Variants in UBR3 observed in about 807,000 individuals in gnomAD.
UBR3 encodes the protein E3 ubiquitin-protein ligase UBR3.
A neutral mutation model predicts 243.2 loss-of-function variants in UBR3; 85 were observed. That is an observed-to-expected ratio of 0.35 (90% CI 0.29 to 0.42). The LOEUF (loss-of-function observed/expected upper bound fraction) is 0.42, where lower values mean the gene tolerates loss of function less well. Among genes scored for constraint, UBR3 ranks in the 10% least tolerant of loss-of-function variants. UBR3 has a pLI of 1.00. For missense variants in UBR3, 1,686 were observed against 2,300.8 expected, an observed-to-expected ratio of 0.73 and a Z score of 5.47; for synonymous variants, 748 against 799.8, an observed-to-expected ratio of 0.94 and a Z score of 1.09.
At chr2:169,908,546 A>G (rs1013583435) in intron 10 of UBR3, among the ~76,000 whole-genome samples, 3 of 152,206 alleles carry the variant, frequency 2.0e-5, no homozygotes, top group African/African-American at 4.8e-5. Context: ...ACTGAACCAA[A>G]TAGATATGGT....
intron 27 of UBR3, among the ~76,000 whole-genome samples, chr2:170,004,660 C>T (rs903101492): frequency 2.6e-5 from 4 of 152,120 alleles, no homozygotes; most frequent in African/African-American, 9.7e-5. Flanking sequence ...CCTATAATTT[C>T]AGCACTTTGG....
chr2:170,017,127 A>T (rs2105412370), intron 30 of UBR3, among the ~76,000 whole-genome samples: 1 of 151,968 alleles, frequency 6.6e-6, no homozygotes, highest in Non-Finnish European at 1.5e-5. Context: ...CAGGACTTAA[A>T]TTGATGATGA....
intron 29 of UBR3, among the ~76,000 whole-genome samples, chr2:170,011,258 T>G (rs572372271): frequency 3.0e-4 from 46 of 152,274 alleles, no homozygotes; most frequent in Non-Finnish European, 5.4e-4. Context: ...TTAAATACAT[T>G]GTAATTTTCT....
At chr2:169,888,358 C>T (rs1390392609) in intron 5 of UBR3, among the ~76,000 whole-genome samples, 1 of 151,678 alleles carries the variant, frequency 6.6e-6, no homozygotes, top group Non-Finnish European at 1.5e-5. Flanking sequence ...AGGCTGATCT[C>T]GAACTCCTGA....
At chr2:169,949,535 C>A in intron 22 of UBR3, 70 bp from the exon 23 acceptor site, 1 of 1,309,078 alleles carries the variant, frequency 7.6e-7, no homozygotes, top group Non-Finnish European at 1.0e-6. Context: ...AAATATAGTA[C>A]TAATATGTTT....
At chr2:169,934,541 G>T (rs948096628) in intron 19 of UBR3, among the ~76,000 whole-genome samples, 6 of 152,078 alleles carry the variant, frequency 3.9e-5, no homozygotes, top group Non-Finnish European at 5.9e-5. Context: ...TGGCCGATTT[G>T]TTTGCTATTG....
intron 24 of UBR3, among the ~76,000 whole-genome samples, chr2:169,981,165 G>A (rs2088711363): frequency 6.6e-6 from 1 of 152,132 alleles, no homozygotes; most frequent in Non-Finnish European, 1.5e-5. Flanking sequence ...AGAATACCTA[G>A]TATTTTATGT....
chr2:170,026,050 G>A lies in UBR3; in HGVS notation c.4454-3296G>A, dbSNP rs2090520087. 1.3e-5 allele frequency among the ~76,000 whole-genome samples: 2 copies of A among 151,932 alleles called. 1 individual carries two copies. The highest frequency in any genetic ancestry group is 1.3e-4 in the Admixed American group (2 of 15,212). On this transcript the variant is annotated intron_variant, in intron 30 of 38. Transcript: ENST00000272793. Reference sequence around the variant, plus strand: ...AGTGGGCTTGGGTAAAGTAGTGTGTGCAGAATGAGAGGGAAAGAGGACTAA... The same window carrying A: ...AGTGGGCTTGGGTAAAGTAGTGTGTACAGAATGAGAGGGAAAGAGGACTAA...
chr2:169,948,158 A>G (rs899269381), intron 22 of UBR3, among the ~76,000 whole-genome samples: 1 of 151,842 alleles, frequency 6.6e-6, no homozygotes, highest in Admixed American at 6.6e-5. Flanking sequence ...AATACTGAGT[A>G]TAATAGTGTA....
At position 169,901,606 on chromosome 2, in the gene UBR3, T is replaced by G. The variant is rs182859617; in HGVS notation, c.1466-3508T>G. On this transcript the variant is annotated intron_variant, in intron 8 of 38. Coordinates refer to ENST00000272793, the MANE Select transcript of UBR3 (RefSeq NM_172070.4). The stretch of plus-strand genomic sequence containing the variant: ...TCTATCTAGCCTTGTCTTGAATTGT[T>G]GTTAGATGATATTTTAAAATTTTAT... Among the ~76,000 whole-genome samples the G allele has an allele frequency of 2.6e-5, 4 of 152,324 alleles. No homozygotes were observed. The East Asian group carries it at 7.7e-4, about 29-fold the overall frequency.
chr2:170,073,692 C>T, intron 36 of UBR3, 85 bp downstream of exon 36: 1 of 1,400,474 alleles, frequency 7.1e-7, no homozygotes, highest in Non-Finnish European at 9.6e-7. Context: ...AATTTTAGGT[C>T]ATCTGTTTTT....
chr2:169,859,081 CTTTTTTT>C (rs575814312), intron 1 of UBR3, among the ~76,000 whole-genome samples: 2 of 99,748 alleles, frequency 2.0e-5, no homozygotes, highest in Non-Finnish European at 3.9e-5. Flanking sequence ...CTCACCATGG[CTTTTTTT>C]TTTTTTTTTT....
intron 27 of UBR3, among the ~76,000 whole-genome samples, chr2:170,002,666 C>T (rs1458064121): frequency 6.6e-6 from 1 of 152,138 alleles, no homozygotes; most frequent in Non-Finnish European, 1.5e-5. Context: ...CCTCAGGGGC[C>T]TTAATTCATC....
At chr2:169,942,051 T>C (rs186162776) in intron 19 of UBR3, among the ~76,000 whole-genome samples, 4 of 152,340 alleles carry the variant, frequency 2.6e-5, no homozygotes, top group African/African-American at 9.6e-5. Flanking sequence ...CTTCTTTTTT[T>C]CTGGTAACTG....
At chr2:169,900,776 A>G (rs904772964) in intron 8 of UBR3, among the ~76,000 whole-genome samples, 3 of 149,352 alleles carry the variant, frequency 2.0e-5, no homozygotes, top group Non-Finnish European at 4.5e-5. Context: ...AGCTTTCCTC[A>G]CTTTTTATAT....
At chr2:169,994,480 A>G in intron 26 of UBR3, 24 bp downstream of exon 26, 1 of 1,582,376 alleles carries the variant, frequency 6.3e-7, no homozygotes, top group East Asian at 2.2e-5. Context: ...ATAAAATAGT[A>G]CTTTTGTCTG....
intron 1 of UBR3, among the ~76,000 whole-genome samples, chr2:169,847,607 A>T (rs1010051424): frequency 2.2e-4 from 34 of 152,210 alleles, no homozygotes; most frequent in African/African-American, 7.7e-4. Context: ...TAACTAAAAA[A>T]TCTTACCCAT....
At chr2:169,876,135 G>A (rs540190733) in intron 3 of UBR3, among the ~76,000 whole-genome samples, 186 bp downstream of exon 3, 133 of 149,434 alleles carry the variant, frequency 8.9e-4, no homozygotes, top group African/African-American at 2.8e-3. Context: ...CCAGGCTGGA[G>A]TGCAGTGGCG....
chr2:170,048,616 C>A (rs749340826), intron 32 of UBR3, among the ~76,000 whole-genome samples: 1 of 152,170 alleles, frequency 6.6e-6, no homozygotes, highest in Non-Finnish European at 1.5e-5. Flanking sequence ...CAGGATGCAA[C>A]CTTTTATGAG....
Sources: gnomAD v4.1 joint callset for allele counts (sites outside exome capture counted in the v4.1 genomes callset) on GRCh38, gnomAD v4.1.1 for gene constraint, MANE v1.5 for transcripts, NCBI Gene and HGNC (gene_info 2026-07-23, HGNC 2026-07-21) for gene names.